The following FBN1 variants were observed in gnomAD, a reference collection of about 807,000 sequenced individuals.
FBN1 encodes the protein fibrillin 1.
In FBN1, 29 loss-of-function variants were observed where a neutral mutation model predicts 365.1. The observed-to-expected ratio is 0.08, with a 90% confidence interval of 0.06 to 0.11. The LOEUF (loss-of-function observed/expected upper bound fraction) is 0.11. Ranked by LOEUF, FBN1 falls within the 10% of genes least tolerant of loss-of-function variation. The pLI is 1.00. For synonymous variants in FBN1, 1,210 were observed against 1,270.5 expected (o/e 0.95, Z 1.01); for missense variants, 2,476 against 3,703.2 (o/e 0.67, Z 8.60).
intron 17 of FBN1, among the ~76,000 whole-genome samples, chr15:48,499,326 G>A (rs937373401): frequency 6.6e-6 from 1 of 152,186 alleles, no homozygotes; most frequent in African/African-American, 2.4e-5. Flanking sequence ...TTGTTCACCA[G>A]GGAACACTTT....
chr15:48,631,545 T>C (rs1052910001), intron 2 of FBN1, among the ~76,000 whole-genome samples: 5 of 152,180 alleles, frequency 3.3e-5, no homozygotes, highest in Non-Finnish European at 5.9e-5. Flanking sequence ...CCTAAGCCCA[T>C]TCCACATGGT....
chr15:48,572,074 G>A (rs1193067376), intron 6 of FBN1, among the ~76,000 whole-genome samples: 7 of 152,088 alleles, frequency 4.6e-5, no homozygotes, highest in African/African-American at 1.7e-4. Context: ...TCTTAAATGA[G>A]CATATTAAAC....
chr15:48,425,627 T>C, intron 59 of FBN1, 112 bp downstream of exon 59: 2 of 1,535,966 alleles, frequency 1.3e-6, no homozygotes, highest in Non-Finnish European at 1.8e-6. Context: ...ATGATTGTCC[T>C]GTGCTTTCCT....
At chr15:48,605,209 A>T (rs2044597734) in intron 4 of FBN1, among the ~76,000 whole-genome samples, 1 of 151,658 alleles carries the variant, frequency 6.6e-6, no homozygotes, top group South Asian at 2.1e-4. Context: ...AAAAAGGATA[A>T]AGTGGGGAAG....
chr15:48,418,261 T>G (rs2042916302), intron 63 of FBN1, among the ~76,000 whole-genome samples: 1 of 152,194 alleles, frequency 6.6e-6, no homozygotes, highest in Admixed American at 6.5e-5. Flanking sequence ...ATTTATATAT[T>G]AGGAAAGAGA....
chr15:48,452,521 A>C, intron 45 of FBN1, 41 bp downstream of exon 45: 1 of 1,612,920 alleles, frequency 6.2e-7, no homozygotes, highest in Non-Finnish European at 8.5e-7. Context: ...ATGAAGACAA[A>C]CTCTTGGGTA....
chr15:48,518,512 C>A (rs778904395), intron 10 of FBN1, among the ~76,000 whole-genome samples: 11 of 152,172 alleles, frequency 7.2e-5, no homozygotes, highest in Non-Finnish European at 1.6e-4. Context: ...AATTTAATAG[C>A]TTATCAGCAT....
intron 6 of FBN1, among the ~76,000 whole-genome samples, chr15:48,540,958 C>T (rs2141362241): frequency 6.6e-6 from 1 of 152,078 alleles, no homozygotes; most frequent in African/African-American, 2.4e-5. Flanking sequence ...TGAGGATTGC[C>T]AAGGTTCAGG....
chr15:48,494,478 C>T (rs1293431829), intron 22 of FBN1, among the ~76,000 whole-genome samples: 1 of 152,078 alleles, frequency 6.6e-6, no homozygotes, highest in Non-Finnish European at 1.5e-5. Context: ...CTAAGATACT[C>T]CAAAAGACAC....
intron 56 of FBN1, 102 bp downstream of exon 56, chr15:48,430,569 G>A: frequency 1.5e-6 from 2 of 1,354,268 alleles, no homozygotes; most frequent in East Asian, 2.3e-5. Flanking sequence ...GAACAAAATG[G>A]GTCTCGCCAA....
chr15:48,434,358 ACT>A (rs1202120814), intron 54 of FBN1, among the ~76,000 whole-genome samples: 2 of 151,972 alleles, frequency 1.3e-5, no homozygotes, highest in East Asian at 1.9e-4. Context: ...ACCAATGAGA[ACT>A]CTCTGTGATA....
rs2042848246 is a variant in FBN1, at chr15:48,410,066, CA to C, written c.*923del. 1 of 152,538 alleles carries C rather than the reference CA, an allele frequency of 6.6e-6. No homozygotes were observed. The highest frequency in any genetic ancestry group is 2.4e-5 in the African/African-American group (1 of 41,420). 9.4% of individuals were successfully genotyped at this position (152,538 alleles called of 1,614,324 possible). A position where few individuals can be genotyped will look rare whatever the true frequency, so the allele number is the denominator to read the frequency against. On this transcript the variant is annotated 3_prime_UTR_variant, in exon 66 of 66. Transcript: ENST00000316623. ...CCAAATCCATGCAAGAACACAAAGCCAAGGGGTAAACTAAAAAAAAGAAGAG... is the reference window on the plus strand; with the variant it reads ...CCAAATCCATGCAAGAACACAAAGCCAGGGGTAAACTAAAAAAAAGAAGAG...
intron 2 of FBN1, among the ~76,000 whole-genome samples, chr15:48,619,548 C>T (rs1889726039): frequency 6.6e-6 from 1 of 151,932 alleles, no homozygotes; most frequent in African/African-American, 2.4e-5. Flanking sequence ...GTTTTCAGGG[C>T]ATTTAGAATT....
chr15:48,489,377 C>T (rs925403789), intron 25 of FBN1, among the ~76,000 whole-genome samples: 2 of 151,952 alleles, frequency 1.3e-5, no homozygotes, highest in Admixed American at 6.6e-5. Flanking sequence ...ATTTAAAGAG[C>T]TTCTTGTACA....
At chr15:48,582,543 C>T (rs531040409) in intron 6 of FBN1, among the ~76,000 whole-genome samples, 4 of 152,262 alleles carry the variant, frequency 2.6e-5, no homozygotes, top group South Asian at 4.1e-4. Context: ...TTATTGTTCA[C>T]GTAAACCATT....
intron 2 of FBN1, chr15:48,642,826 TTAA>T (rs1890222716): frequency 6.6e-6 from 1 of 152,224 alleles, no homozygotes; most frequent in South Asian, 2.1e-4. Flanking sequence ...AAGGTCTGTG[TTAA>T]TGATCAAATA....
intron 6 of FBN1, among the ~76,000 whole-genome samples, chr15:48,555,257 A>G (rs1189163991): frequency 6.6e-6 from 1 of 152,152 alleles, no homozygotes; most frequent in Non-Finnish European, 1.5e-5. Context: ...GCTGCTCATT[A>G]TCGAGGACTG....
At chr15:48,631,924 A>T (rs1429652394) in intron 2 of FBN1, among the ~76,000 whole-genome samples, 1 of 152,214 alleles carries the variant, frequency 6.6e-6, no homozygotes, top group African/African-American at 2.4e-5. Context: ...CTAAAATTTA[A>T]ATTCTTTTCA....
chr15:48,435,790 G>GTGTA (rs2043066894), intron 53 of FBN1, among the ~76,000 whole-genome samples: 1 of 105,878 alleles, frequency 9.4e-6, no homozygotes, highest in Non-Finnish European at 1.7e-5. Context: ...GTGTGTGTGT[G>GTGTA]TGTGTGTGTG....
Sources: gnomAD v4.1 joint callset for allele counts (sites outside exome capture counted in the v4.1 genomes callset) on GRCh38, gnomAD v4.1.1 for gene constraint, MANE v1.5 for transcripts, NCBI Gene and HGNC (gene_info 2026-07-23, HGNC 2026-07-21) for gene names.